The following CALN1 variants were observed in gnomAD, a reference collection of about 807,000 sequenced individuals.
CALN1 encodes the protein calcium-binding protein 8.
Under a neutral mutation model 30.6 loss-of-function variants are expected in CALN1, and 17 were observed. The observed-to-expected ratio is 0.56, with a 90% CI of 0.38 to 0.83. The LOEUF (loss-of-function observed/expected upper bound fraction) is 0.83. Ranked by LOEUF, CALN1 falls within the 40% of genes least tolerant of loss-of-function variation. CALN1 has a pLI of 0.00. For synonymous variants in CALN1, 156 were observed against 131.4 expected (o/e 1.19, Z -1.28); for missense variants, 291 against 354.9 (o/e 0.82, Z 1.45).
At chr7:72,316,826 T>C (rs1318005345) in intron 2 of CALN1, among the ~76,000 whole-genome samples, 1 of 151,752 alleles carries the variant, frequency 6.6e-6, no homozygotes, top group Non-Finnish European at 1.5e-5. Flanking sequence ...ATGCGTGTAG[T>C]CCCAGCTATT....
At chr7:72,043,316 A>G (rs1265016933) in intron 4 of CALN1, among the ~76,000 whole-genome samples, 1 of 152,224 alleles carries the variant, frequency 6.6e-6, no homozygotes, top group Admixed American at 6.5e-5. Flanking sequence ...CATTGCCTTC[A>G]GCAGTCCAGA....
rs114829979 is a variant in CALN1 at position 71,802,524 on chromosome 7, G to A, written c.658+7812C>T. On this transcript the variant is annotated intron_variant, in intron 6 of 6. Coordinates refer to ENST00000395275, the MANE Select transcript of CALN1 (RefSeq NM_031468.4). Reference sequence around the variant, plus strand: ...GTTGCCCAGGCTGAAGTGCACTGGTGCAATCATAGCTCACTGCAGCCTCGA... The same window carrying A: ...GTTGCCCAGGCTGAAGTGCACTGGTACAATCATAGCTCACTGCAGCCTCGA... 6.3e-3 allele frequency among the ~76,000 whole-genome samples: 952 copies of A among 152,234 alleles called. 9 individuals carry two copies. Among genetic ancestry groups the A allele is most frequent in the African/African-American group, 0.022 (894 of 41,540 alleles).
intron 6 of CALN1, among the ~76,000 whole-genome samples, chr7:71,800,771 A>G (rs565200569): frequency 0.01 from 1,506 of 149,468 alleles, 21 homozygotes; most frequent in African/African-American, 0.036. Flanking sequence ...AGGTAGACCC[A>G]GGTTAAAATT....
chr7:72,146,716 C>A (rs958331379), intron 3 of CALN1, among the ~76,000 whole-genome samples: 2 of 152,162 alleles, frequency 1.3e-5, no homozygotes, highest in African/African-American at 4.8e-5. Context: ...TGACTTCAAA[C>A]TATACTACAA....
chr7:72,054,796 G>C (rs1378253846), intron 4 of CALN1, among the ~76,000 whole-genome samples: 1 of 151,920 alleles, frequency 6.6e-6, no homozygotes, highest in South Asian at 2.1e-4. Flanking sequence ...AATAATTATT[G>C]GGTACTAGGC....
intron 5 of CALN1, among the ~76,000 whole-genome samples, chr7:71,893,943 T>C (rs573815195): frequency 3.4e-4 from 52 of 152,112 alleles, no homozygotes; most frequent in Non-Finnish European, 5.7e-4. Context: ...CTTGTACTCC[T>C]TCCCATGATG....
intron 3 of CALN1, among the ~76,000 whole-genome samples, chr7:72,257,540 G>A (rs960569278): frequency 1.3e-5 from 2 of 152,188 alleles, no homozygotes; most frequent in African/African-American, 2.4e-5. Context: ...CAACCACTAT[G>A]GAAAACAGTG....
At chr7:71,827,892 A>G (rs759221542) in intron 5 of CALN1, among the ~76,000 whole-genome samples, 2 of 152,074 alleles carry the variant, frequency 1.3e-5, no homozygotes, top group Non-Finnish European at 2.9e-5. Flanking sequence ...CCATGTGGAT[A>G]TTTGGGGGAC....
chr7:72,199,881 A>G (rs1265366446), intron 3 of CALN1, among the ~76,000 whole-genome samples: 2 of 152,076 alleles, frequency 1.3e-5, no homozygotes, highest in Non-Finnish European at 2.9e-5. Context: ...CGGTCAAACT[A>G]TAGCCTAACT....
intron 3 of CALN1, among the ~76,000 whole-genome samples, chr7:72,146,523 G>A (rs943180729): frequency 6.6e-6 from 1 of 152,132 alleles, no homozygotes; most frequent in African/African-American, 2.4e-5. Flanking sequence ...AATCAATATC[G>A]TGAAAATGGC....
chr7:71,884,630 T>G (rs1274242066), intron 5 of CALN1, among the ~76,000 whole-genome samples: 1 of 152,096 alleles, frequency 6.6e-6, no homozygotes, highest in Non-Finnish European at 1.5e-5. Context: ...AATTCCCAGT[T>G]AAGGGGTCTG....
At chr7:72,120,570 TG>T (rs1452700742) in intron 3 of CALN1, among the ~76,000 whole-genome samples, 2 of 152,172 alleles carry the variant, frequency 1.3e-5, no homozygotes, top group Non-Finnish European at 2.9e-5. Context: ...ATACAATCAC[TG>T]GGTCCAAGGG....
intron 4 of CALN1, among the ~76,000 whole-genome samples, chr7:72,073,066 T>TA (rs1804508429): frequency 6.6e-6 from 1 of 152,144 alleles, no homozygotes; most frequent in South Asian, 2.1e-4. Context: ...TCAGTCAATC[T>TA]AAAAAAGGAA....
At chr7:72,082,436 AG>A (rs1484926751) in intron 4 of CALN1, among the ~76,000 whole-genome samples, 1 of 152,194 alleles carries the variant, frequency 6.6e-6, no homozygotes, top group Non-Finnish European at 1.5e-5. Flanking sequence ...AGGAGAGCTG[AG>A]GGAAATCCCT....
intron 4 of CALN1, among the ~76,000 whole-genome samples, chr7:72,053,690 A>G (rs569957713): frequency 1.3e-5 from 2 of 151,866 alleles, no homozygotes; most frequent in Admixed American, 1.3e-4. Flanking sequence ...GTGGTATTTG[A>G]TTACGAGTAA....
the CALN1 span, among the ~76,000 whole-genome samples, chr7:72,494,926 C>T: frequency 6.6e-6 from 1 of 152,086 alleles, no homozygotes; most frequent in Non-Finnish European, 1.5e-5. Context: ...TCCCCAAGGG[C>T]TGTGTGAGTG....
intron 3 of CALN1, among the ~76,000 whole-genome samples, chr7:72,176,154 G>A (rs1368028947): frequency 2.0e-5 from 3 of 152,128 alleles, no homozygotes; most frequent in Admixed American, 6.5e-5. Flanking sequence ...TTGGCCAGAC[G>A]CTCCTCTCAG....
chr7:72,141,520 A>G (rs954178271), intron 3 of CALN1, among the ~76,000 whole-genome samples: 8 of 151,532 alleles, frequency 5.3e-5, no homozygotes, highest in Non-Finnish European at 8.8e-5. Context: ...TCCCAAAACA[A>G]CCTTTTGTGT....
the CALN1 span, among the ~76,000 whole-genome samples, chr7:72,460,991 T>C: frequency 2.9e-3 from 434 of 152,240 alleles, 24 homozygotes; most frequent in East Asian, 0.08. Flanking sequence ...GTTCCAACCA[T>C]CCCTGATTCA....
Sources: allele counts gnomAD v4.1 joint callset (sites outside exome capture counted in the v4.1 genomes callset), GRCh38; gene constraint gnomAD v4.1.1; transcripts MANE v1.5; gene names NCBI Gene and HGNC (gene_info 2026-07-23, HGNC 2026-07-21).